The following MAST4 variants were observed in gnomAD, a reference collection of about 807,000 sequenced individuals.
MAST4 encodes the protein microtubule-associated serine/threonine-protein kinase 4.
Under a neutral mutation model 162.7 loss-of-function variants are expected in MAST4, and 89 were observed. The ratio of observed to expected loss-of-function variants is 0.55; its 90% confidence interval spans 0.46 to 0.65. The LOEUF is 0.65. Ranked by LOEUF, MAST4 falls within the 30% of genes least tolerant of loss-of-function variation. The pLI is 0.00. For missense variants in MAST4, 3,153 were observed against 3,374.0 expected (o/e 0.93, Z 1.62); for synonymous variants, 1,479 against 1,361.1 (o/e 1.09, Z -1.91).
chr5:66,886,677 A>C (rs1033911157), intron 3 of MAST4, among the ~76,000 whole-genome samples: 13 of 148,978 alleles, frequency 8.7e-5, no homozygotes, highest in Admixed American at 4.1e-4. Context: ...ATGCCAATCC[A>C]ATATGATCTA....
At chr5:66,606,914 GA>G (rs1327374569) in intron 1 of MAST4, among the ~76,000 whole-genome samples, 1 of 151,652 alleles carries the variant, frequency 6.6e-6, no homozygotes, top group African/African-American at 2.4e-5. Context: ...ATGAGTATAT[GA>G]ATTTACTCAT....
intron 2 of MAST4, among the ~76,000 whole-genome samples, chr5:66,788,074 C>T (rs1259292729): frequency 1.3e-5 from 2 of 152,182 alleles, no homozygotes; most frequent in African/African-American, 4.8e-5. Context: ...ATGGAAATTA[C>T]TCAGTGAACC....
intron 3 of MAST4, among the ~76,000 whole-genome samples, chr5:66,894,205 G>T (rs1762537454): frequency 6.6e-6 from 1 of 152,128 alleles, no homozygotes; most frequent in South Asian, 2.1e-4. Context: ...GTCCTTAGGG[G>T]GACTTAAAAG....
At chr5:66,760,773 A>G (rs1204397916) in intron 2 of MAST4, among the ~76,000 whole-genome samples, 1 of 152,200 alleles carries the variant, frequency 6.6e-6, no homozygotes, top group Non-Finnish European at 1.5e-5. Context: ...CTACTGTAGG[A>G]TAACTGTAAT....
intron 4 of MAST4, among the ~76,000 whole-genome samples, chr5:67,027,681 A>G (rs1350280623): frequency 6.6e-6 from 1 of 152,190 alleles, no homozygotes; most frequent in Non-Finnish European, 1.5e-5. Context: ...ATGTTTGTGG[A>G]TTGTTAATGA....
chr5:66,609,497 C>A (rs965196528), intron 1 of MAST4, among the ~76,000 whole-genome samples: 2 of 150,926 alleles, frequency 1.3e-5, no homozygotes, highest in Admixed American at 1.3e-4. Flanking sequence ...TCAAGCCATC[C>A]TCCCACCTTA....
At chr5:66,872,193 A>G (rs1024467525) in intron 3 of MAST4, among the ~76,000 whole-genome samples, 1 of 151,602 alleles carries the variant, frequency 6.6e-6, no homozygotes, top group Non-Finnish European at 1.5e-5. Flanking sequence ...GTTTTGAGTC[A>G]AAGTCTCACT....
At chr5:66,893,145 C>T (rs1444554904) in intron 3 of MAST4, among the ~76,000 whole-genome samples, 1 of 152,084 alleles carries the variant, frequency 6.6e-6, no homozygotes, top group South Asian at 2.1e-4. Flanking sequence ...CATATAAACC[C>T]AGCAAGCATT....
At chr5:66,759,986 A>C in intron 2 of MAST4, 124 bp downstream of exon 2, 1 of 964,958 alleles carries the variant, frequency 1.0e-6, no homozygotes, top group South Asian at 3.8e-5. Context: ...ACCATTTCAT[A>C]AAAATCTTAT....
At chr5:66,752,013 T>A (rs1414387404) in intron 1 of MAST4, among the ~76,000 whole-genome samples, 1 of 151,994 alleles carries the variant, frequency 6.6e-6, no homozygotes, top group Non-Finnish European at 1.5e-5. Flanking sequence ...GAAAAGAATT[T>A]TCAACCCAGA....
intron 4 of MAST4, among the ~76,000 whole-genome samples, chr5:66,911,302 C>A (rs1357254887): frequency 6.6e-6 from 1 of 152,160 alleles, no homozygotes; most frequent in Non-Finnish European, 1.5e-5. Context: ...TTACTGACTA[C>A]AGTCTATATG....
At chr5:66,856,362 A>G (rs1322763319) in intron 3 of MAST4, among the ~76,000 whole-genome samples, 1 of 152,216 alleles carries the variant, frequency 6.6e-6, no homozygotes, top group East Asian at 1.9e-4. Context: ...GCCTGATCCC[A>G]GGTAGGACCT....
At chr5:66,691,300 GA>G (rs1749024424) in intron 1 of MAST4, among the ~76,000 whole-genome samples, 1 of 152,178 alleles carries the variant, frequency 6.6e-6, no homozygotes. Flanking sequence ...TATTGGTTAT[GA>G]TAGCTTAATT....
At chr5:67,087,420 T>C (rs988907650) in intron 5 of MAST4, among the ~76,000 whole-genome samples, 1 of 152,182 alleles carries the variant, frequency 6.6e-6, no homozygotes, top group Non-Finnish European at 1.5e-5. Context: ...CTCTCTTGCC[T>C]CCAAGTATTT....
At chr5:66,702,138 C>T (rs575053819) in intron 1 of MAST4, among the ~76,000 whole-genome samples, 7 of 152,274 alleles carry the variant, frequency 4.6e-5, no homozygotes, top group African/African-American at 1.7e-4. Flanking sequence ...TGGCCCTTTC[C>T]TCTTTCTCCC....
intron 19 of MAST4, among the ~76,000 whole-genome samples, chr5:67,140,424 T>C (rs1770228003): frequency 6.6e-6 from 1 of 152,196 alleles, no homozygotes; most frequent in Non-Finnish European, 1.5e-5. Context: ...GGAGTGAGGC[T>C]CTCCAGAGGT....
intron 3 of MAST4, among the ~76,000 whole-genome samples, chr5:66,873,393 A>C (rs528811069): frequency 4.3e-4 from 66 of 152,330 alleles, no homozygotes; most frequent in Middle Eastern, 3.4e-3. Flanking sequence ...GTCATTTTCA[A>C]CTCAATAACC....
chr5:66,805,395 C>A (rs1756138761), intron 3 of MAST4, among the ~76,000 whole-genome samples: 1 of 152,164 alleles, frequency 6.6e-6, no homozygotes, highest in South Asian at 2.1e-4. Context: ...CTAAGTAGGA[C>A]TGGTAGAGGA....
chr5:66,871,288 A>G (rs1291424243), intron 3 of MAST4, among the ~76,000 whole-genome samples: 2 of 152,202 alleles, frequency 1.3e-5, no homozygotes, highest in Non-Finnish European at 2.9e-5. Flanking sequence ...AGTTTTAAGT[A>G]TGTGTTACCC....
Sources: allele counts gnomAD v4.1 joint callset (sites outside exome capture counted in the v4.1 genomes callset), GRCh38; gene constraint gnomAD v4.1.1; transcripts MANE v1.5; gene names NCBI Gene and HGNC (gene_info 2026-07-23, HGNC 2026-07-21).